Variants in GET4 observed in about 807,000 individuals in gnomAD.
The protein encoded by GET4 is guided entry of tail-anchored proteins factor 4, also known as Golgi to ER traffic protein 4 homolog.
GET4 carries 20 observed loss-of-function variants against 40.0 expected under a neutral mutation model. The observed-to-expected ratio is 0.50, with a 90% CI of 0.35 to 0.73. The LOEUF is 0.73. GET4 is among the 30% of genes least tolerant of loss of function. GET4 has a pLI of 0.01. For missense variants in GET4, 557 were observed against 454.0 expected (o/e 1.23, Z -2.06); for synonymous variants, 280 against 194.6 (o/e 1.44, Z -3.65).
intron 1 of GET4, chr7:883,642 A>G (rs1844129343): frequency 4.1e-6 from 4 of 985,468 alleles, no homozygotes; most frequent in Non-Finnish European, 4.8e-6. Context: ...GGGTGTCCAC[A>G]TGGCACGGCC....
intron 5 of GET4, among the ~76,000 whole-genome samples, chr7:891,951 G>T (rs1844332862): frequency 6.6e-6 from 1 of 152,214 alleles, no homozygotes; most frequent in Admixed American, 6.5e-5. Context: ...GAGTGTTCTG[G>T]TGCGGGCCAG....
chr7:892,215 C>T (rs1844340911), intron 5 of GET4, 63 bp from the exon 6 acceptor site: 9 of 1,543,338 alleles, frequency 5.8e-6, no homozygotes, highest in African/African-American at 1.4e-5. Context: ...CGGAGGCCGG[C>T]GCCTGTGCGG....
chr7:884,554 T>C (rs1844151092), intron 1 of GET4: 1 of 333,966 alleles, frequency 3.0e-6, no homozygotes, highest in South Asian at 2.5e-5. Context: ...AGCGGTCTCC[T>C]GTGGGGGGAG....
At chr7:878,651 T>C (rs1480162202) in intron 1 of GET4, among the ~76,000 whole-genome samples, 2 of 150,896 alleles carry the variant, frequency 1.3e-5, no homozygotes, top group African/African-American at 4.9e-5. Context: ...GGATCTCGGC[T>C]CACTGCAACC....
At position 892,359 on chromosome 7, in the gene GET4, G is replaced by A; in HGVS notation, c.687G>A (p.Gly229=). ...YTQKHPSIED[G]PPFVEPLLNF... is the part of the protein sequence containing the mutation. ...AGAAGCACCCGTCCATCGAGGACGG[G>A]CCTCCGTTTGTGGAGCCGCTGCTTA... The change falls in exon 6 of 9, where the codon GGG becomes GGA. Residue 229 remains glycine (G), a synonymous_variant. Coordinates refer to ENST00000265857, the MANE Select transcript of GET4 (RefSeq NM_015949.3). The A allele has an allele frequency of 6.3e-7, 1 of 1,594,804 alleles. No homozygotes were observed. The highest frequency in any genetic ancestry group is 8.6e-7 in the Non-Finnish European group (1 of 1,163,914).
chr7:887,022 C>T (rs1480841882), intron 3 of GET4: 2 of 531,236 alleles, frequency 3.8e-6, no homozygotes, highest in East Asian at 3.8e-5. Flanking sequence ...AGCTGCCTGG[C>T]TGCAAGTCCC....
chr7:878,068 C>T (rs1036820240), intron 1 of GET4: 4 of 327,360 alleles, frequency 1.2e-5, no homozygotes, highest in East Asian at 7.8e-5. Flanking sequence ...AGGGTGAAAC[C>T]GCTTCTCTGT....
intron 1 of GET4, chr7:883,034 A>C (rs1844118689): frequency 6.6e-6 from 1 of 151,972 alleles, no homozygotes; most frequent in African/African-American, 2.4e-5. Context: ...ATCTAAAGAG[A>C]TTTTTAAAAG....
rs148513031 is a variant in GET4 at position 894,720 on chromosome 7, G to T, written c.896-614G>T. Among the ~76,000 whole-genome samples the T allele has an allele frequency of 2.6e-5, 4 of 152,352 alleles. No homozygotes were observed. In the East Asian group the frequency reaches 7.7e-4, roughly 29 times the overall value. The stretch of plus-strand genomic sequence containing the variant: ...TGTCCTGAGATGGGGTGACGTCGTG[G>T]ATAAGAGAGGGTGACACTGCCACGG... On this transcript the variant is annotated intron_variant, in intron 8 of 8. Transcript: ENST00000265857.
rs747304707 is a variant in GET4, at chr7:876,702, C to T, written c.57C>T (p.Asn19=). The T allele has an allele frequency of 2.2e-6, 3 of 1,359,484 alleles. No homozygotes were observed. The highest frequency in any genetic ancestry group is 1.9e-6 in the Non-Finnish European group (2 of 1,041,678). The allele number at this position is 1,359,484 out of a possible 1,614,324, so 84.2% of individuals were successfully genotyped here. A position where few individuals can be genotyped will look rare whatever the true frequency, so the allele number is the denominator to read the frequency against. ...AGAGCGCCCGGAACGGCGGCCGCAACCGCGGCGGCGTCCAGCGTGTGGAGG... is the reference window on the plus strand; with the variant it reads ...AGAGCGCCCGGAACGGCGGCCGCAATCGCGGCGGCGTCCAGCGTGTGGAGG... ...EQESARNGGR[N]RGGVQRVEGK... The change falls in exon 1 of 9, where the codon AAC becomes AAT. Residue 19 remains asparagine (N), a synonymous_variant. Transcript: ENST00000265857.
intron 3 of GET4, 72 bp downstream of exon 3, chr7:886,722 C>T (rs1252164397): frequency 3.0e-6 from 3 of 996,878 alleles, no homozygotes; most frequent in African/African-American, 1.6e-5. Context: ...GGTCTCTGCG[C>T]TGTGTTTCGT....
intron 2 of GET4, 127 bp from the exon 3 acceptor site, chr7:886,442 G>A: frequency 1.4e-6 from 1 of 702,412 alleles, no homozygotes; most frequent in South Asian, 1.7e-5. Context: ...CAAGGGACGT[G>A]GTGCTCAGAA....
At chr7:887,555 C>T (rs373334223) in intron 4 of GET4, 36 bp downstream of exon 4, 4 of 1,467,136 alleles carry the variant, frequency 2.7e-6, no homozygotes, top group South Asian at 1.4e-5. Context: ...GGGCACCTCT[C>T]TGCTCTCGGC....
intron 4 of GET4, among the ~76,000 whole-genome samples, chr7:890,455 G>A (rs550037345): frequency 6.6e-6 from 1 of 151,520 alleles, no homozygotes; most frequent in Admixed American, 6.6e-5. Context: ...GTGTTAGGAC[G>A]GGCTTGGGAG....
At position 876,680 on chromosome 7, in the gene GET4, G is replaced by A; in HGVS notation, c.35G>A (p.Ser12Asn). ...AAAAAMAEQE[S>N]ARNGGRNRGG... The stretch of plus-strand genomic sequence containing the variant: ...GCGGCGGCGATGGCCGAGCAGGAGA[G>A]CGCCCGGAACGGCGGCCGCAACCGC... Residue 12 changes from serine (S) to asparagine (N), a missense_variant, in exon 1 of 9, where the codon AGC becomes AAC. Transcript: ENST00000265857. The A allele has an allele frequency of 3.0e-6, 4 of 1,339,902 alleles. No homozygotes were observed. The highest frequency in any genetic ancestry group is 3.9e-6 in the Non-Finnish European group (4 of 1,032,746). The allele number at this position is 1,339,902 out of a possible 1,614,324, so 83.0% of individuals were successfully genotyped here.
Position 895,535 on chromosome 7 carries a change from G to A in GET4, c.*113G>A, listed in dbSNP as rs1440325617. On this transcript the variant is annotated 3_prime_UTR_variant, in exon 9 of 9. Transcript: ENST00000265857. The stretch of plus-strand genomic sequence containing the variant: ...GGCTCCTGGCCCTGAGGCTGGCGGT[G>A]GCCGCATGCCGGCGCGTGTCTGTTT... 3 of 570,064 alleles carry A rather than the reference G, an allele frequency of 5.3e-6. No homozygotes were observed. Among genetic ancestry groups the A allele is most frequent in the South Asian group, 2.2e-5 (1 of 45,178 alleles). The allele number at this position is 570,064 out of a possible 1,614,324, so 35.3% of individuals were successfully genotyped here.
chr7:894,393 C>T (rs1029094037), intron 8 of GET4, among the ~76,000 whole-genome samples: 10 of 152,138 alleles, frequency 6.6e-5, no homozygotes, highest in Non-Finnish European at 8.8e-5. Context: ...GGTGGTGGTT[C>T]GTGGCACCGC....
intron 6 of GET4, 109 bp downstream of exon 6, chr7:892,527 G>T (rs1020912850): frequency 8.3e-7 from 1 of 1,210,588 alleles, no homozygotes; most frequent in Non-Finnish European, 1.2e-6. Flanking sequence ...CATGGTGTGG[G>T]TAGCCGTGTG....
chr7:883,980 C>A, intron 1 of GET4: 1 of 1,072,100 alleles, frequency 9.3e-7, no homozygotes, highest in Non-Finnish European at 1.1e-6. Context: ...AGAAGGGAGC[C>A]GGCTGCAAGG....
Sources: gnomAD v4.1 joint callset for allele counts (sites outside exome capture counted in the v4.1 genomes callset) on GRCh38, gnomAD v4.1.1 for gene constraint, MANE v1.5 for transcripts, NCBI Gene and HGNC (gene_info 2026-07-23, HGNC 2026-07-21) for gene names.